Variants in SLC10A7 observed in about 807,000 individuals in gnomAD.
SLC10A7 encodes solute carrier family 10 member 7, also known as sodium/bile acid cotransporter 7.
SLC10A7 carries 29 observed loss-of-function variants against 43.2 expected under a neutral mutation model. That is an observed-to-expected ratio of 0.67 (90% confidence interval 0.50 to 0.92). SLC10A7 has a LOEUF of 0.92. SLC10A7 is among the 40% of genes least tolerant of loss of function. The probability of loss-of-function intolerance (pLI) is 0.00; values close to 1 mark genes in which losing one functional copy is unlikely to be tolerated. For missense variants in SLC10A7, 295 were observed against 403.2 expected, an observed-to-expected ratio of 0.73 and a Z score of 2.30; for synonymous variants, 152 against 144.8, an observed-to-expected ratio of 1.05 and a Z score of -0.35.
intron 7 of SLC10A7, among the ~76,000 whole-genome samples, chr4:146,304,793 C>T (rs990921112): frequency 5.3e-5 from 8 of 152,076 alleles, no homozygotes; most frequent in African/African-American, 1.4e-4. Flanking sequence ...GAGTTCAATT[C>T]CTGGGTATCC....
intron 5 of SLC10A7, among the ~76,000 whole-genome samples, chr4:146,346,095 C>G (rs1005208919): frequency 2.6e-5 from 4 of 152,096 alleles, no homozygotes; most frequent in African/African-American, 9.7e-5. Context: ...GATGAAAAAG[C>G]ATTTATGGGC....
At position 146,517,025 on chromosome 4, in the gene SLC10A7, T is replaced by C. The variant is rs1364451340; in HGVS notation, c.183+13A>G. On this transcript the variant is annotated intron_variant, in intron 2 of 11. Coordinates refer to ENST00000335472, the MANE Select transcript of SLC10A7 (RefSeq NM_001029998.6). ...TTCTCCCTGCTTTTCATGTGTCCCA[T>C]AGATGACAGTACCTCTGTTTTCAAT... 3.2e-6 allele frequency: 5 copies of C among 1,572,714 alleles called. No individual in the cohort carries two copies. The African/African-American group carries it at 5.4e-5, about 17-fold the overall frequency.
At chr4:146,461,021 C>T (rs566807941) in intron 4 of SLC10A7, among the ~76,000 whole-genome samples, 21 of 151,870 alleles carry the variant, frequency 1.4e-4, no homozygotes, top group Admixed American at 2.6e-4. Flanking sequence ...TACTTCCTAA[C>T]TAAGAAAGAT....
chr4:146,376,646 G>A (rs1050643324), intron 5 of SLC10A7, among the ~76,000 whole-genome samples: 6 of 152,012 alleles, frequency 3.9e-5, no homozygotes, highest in Admixed American at 6.6e-5. Context: ...CCACCCCATC[G>A]CTTGTTTGAA....
chr4:146,427,594 G>A (rs1262485430), intron 5 of SLC10A7, among the ~76,000 whole-genome samples: 1 of 152,112 alleles, frequency 6.6e-6, no homozygotes, highest in Non-Finnish European at 1.5e-5. Context: ...AAAGGTAGAA[G>A]CCTCTATGTT....
intron 9 of SLC10A7, among the ~76,000 whole-genome samples, chr4:146,290,696 C>CA (rs1212357868): frequency 6.6e-6 from 1 of 151,948 alleles, no homozygotes; most frequent in Non-Finnish European, 1.5e-5. Context: ...CTTGTCGCTA[C>CA]AAAAAATTAC....
chr4:146,450,021 T>C (rs1731446624), intron 4 of SLC10A7, among the ~76,000 whole-genome samples: 1 of 152,208 alleles, frequency 6.6e-6, no homozygotes, highest in Admixed American at 6.5e-5. Context: ...ATTTCAGGTA[T>C]ATAATCCTTA....
At chr4:146,305,227 A>G (rs975862133) in intron 7 of SLC10A7, among the ~76,000 whole-genome samples, 4 of 151,066 alleles carry the variant, frequency 2.6e-5, no homozygotes, top group African/African-American at 9.8e-5. Context: ...CATATACACC[A>G]TGGAATACTA....
intron 10 of SLC10A7, among the ~76,000 whole-genome samples, chr4:146,263,784 C>A (rs888159487): frequency 6.6e-6 from 1 of 152,168 alleles, no homozygotes; most frequent in African/African-American, 2.4e-5. Context: ...TCAAAAAATG[C>A]CTCTTTAATA....
intron 9 of SLC10A7, among the ~76,000 whole-genome samples, chr4:146,291,062 G>C (rs1199592968): frequency 1.3e-5 from 2 of 152,180 alleles, no homozygotes; most frequent in Non-Finnish European, 1.5e-5. Flanking sequence ...AGTCCCAGTA[G>C]TGGCTGCTCT....
rs149762257 is a variant in SLC10A7, at chr4:146,516,391, T to C, written c.183+647A>G. Reference sequence around the variant, plus strand: ...GTAAATCAGTAAATAACATTACATATATAGGTGTGGGGTGTGTGTGTGTTT... The same window carrying C: ...GTAAATCAGTAAATAACATTACATACATAGGTGTGGGGTGTGTGTGTGTTT... On this transcript the variant is annotated intron_variant, in intron 2 of 11. Transcript: ENST00000335472. Among the ~76,000 whole-genome samples the C allele has an allele frequency of 9.4e-4, 142 of 150,862 alleles. 1 individual carries two copies. The highest frequency in any genetic ancestry group is 3.2e-3 in the African/African-American group (133 of 41,194).
chr4:146,320,449 G>C (rs1006923657), intron 6 of SLC10A7, among the ~76,000 whole-genome samples: 2 of 152,000 alleles, frequency 1.3e-5, no homozygotes, highest in East Asian at 1.9e-4. Context: ...TAAAGTAAAT[G>C]AATTGGCCAT....
rs72952563 is a variant in SLC10A7 at position 146,390,961 on chromosome 4, C to T, written c.435+51822G>A. On this transcript the variant is annotated intron_variant, in intron 5 of 11. Transcript: ENST00000335472. The stretch of plus-strand genomic sequence containing the variant: ...CTCAGAGCAACTTGAAAGGGAAAAA[C>T]AAATTAACTTTGATCTGTTTTCATT... 3.7e-3 allele frequency among the ~76,000 whole-genome samples: 566 copies of T among 152,096 alleles called. 3 individuals are homozygous for T. The highest frequency in any genetic ancestry group is 6.3e-3 in the Non-Finnish European group (429 of 67,970).
intron 10 of SLC10A7, among the ~76,000 whole-genome samples, chr4:146,263,990 C>T (rs1229221532): frequency 6.6e-6 from 1 of 152,218 alleles, no homozygotes; most frequent in African/African-American, 2.4e-5. Flanking sequence ...TGCCATATTT[C>T]CATGTCACAC....
At chr4:146,515,767 G>A (rs977743540) in intron 2 of SLC10A7, among the ~76,000 whole-genome samples, 6 of 151,908 alleles carry the variant, frequency 3.9e-5, no homozygotes, top group Admixed American at 1.3e-4. Context: ...GAAATTAGCC[G>A]GGCGTGGTGG....
At chr4:146,477,641 T>C (rs530999445) in intron 4 of SLC10A7, among the ~76,000 whole-genome samples, 14 of 152,284 alleles carry the variant, frequency 9.2e-5, no homozygotes, top group African/African-American at 2.6e-4. Context: ...GTAATACCAA[T>C]GTGAAAAGAA....
chr4:146,364,628 A>G (rs1375082697), intron 5 of SLC10A7, among the ~76,000 whole-genome samples: 2 of 152,166 alleles, frequency 1.3e-5, no homozygotes, highest in African/African-American at 2.4e-5. Context: ...CAGGAAAAGC[A>G]GTGAAGAGGA....
intron 7 of SLC10A7, among the ~76,000 whole-genome samples, chr4:146,301,648 G>T (rs1333502005): frequency 1.3e-5 from 2 of 152,146 alleles, no homozygotes; most frequent in Non-Finnish European, 2.9e-5. Flanking sequence ...TGTGACTGGG[G>T]CTGCAAGGGC....
chr4:146,468,502 C>T (rs986194662), intron 4 of SLC10A7, among the ~76,000 whole-genome samples: 20 of 147,902 alleles, frequency 1.4e-4, no homozygotes, highest in African/African-American at 4.7e-4. Flanking sequence ...TGGAGTCTCG[C>T]TCTGTTGCCC....
Sources: allele counts gnomAD v4.1 joint callset (sites outside exome capture counted in the v4.1 genomes callset), GRCh38; gene constraint gnomAD v4.1.1; transcripts MANE v1.5; gene names NCBI Gene and HGNC (gene_info 2026-07-23, HGNC 2026-07-21).